The following ADAMTS20 variants were observed in gnomAD, a reference collection of about 807,000 sequenced individuals.
ADAMTS20 encodes A disintegrin and metalloproteinase with thrombospondin motifs 20.
ADAMTS20 carries 225 observed loss-of-function variants against 260.1 expected under a neutral mutation model. That is an observed-to-expected ratio of 0.87 (90% CI 0.78 to 0.97). The LOEUF is 0.97. Ranked by LOEUF, ADAMTS20 falls within the 50% of genes least tolerant of loss-of-function variation. The probability of loss-of-function intolerance (pLI) is 0.00; values close to 1 mark genes in which losing one functional copy is unlikely to be tolerated. For synonymous variants in ADAMTS20, 802 were observed against 769.5 expected (o/e 1.04, Z -0.70); for missense variants, 2,400 against 2,337.7 (o/e 1.03, Z -0.55).
rs1233319702 is a variant in ADAMTS20 at position 43,532,099 on chromosome 12, G to A, written c.550C>T (p.Leu184Phe). The A allele has an allele frequency of 2.5e-6, 4 of 1,612,488 alleles. No individual in the cohort carries two copies. Among genetic ancestry groups the A allele is most frequent in the Admixed American group, 1.7e-5 (1 of 59,876 alleles). Residue 184 changes from leucine (L) to phenylalanine (F), a missense_variant, in exon 3 of 39, where the codon CTT becomes TTT. Coordinates refer to ENST00000389420, the MANE Select transcript of ADAMTS20 (RefSeq NM_025003.5). ...TTATTTAAGTCTTGTCTGTATATAAGATGTGGCTTGTTGTGACCATCTTCA... is the reference window on the plus strand; with the variant it reads ...TTATTTAAGTCTTGTCTGTATATAAAATGTGGCTTGTTGTGACCATCTTCA... ...EYEDGHNKPH[L>F]IYRQDLNNSF...
At chr12:43,402,208 T>G (rs1371183299) in intron 28 of ADAMTS20, among the ~76,000 whole-genome samples, 1 of 152,026 alleles carries the variant, frequency 6.6e-6, no homozygotes, top group African/African-American at 2.4e-5. Context: ...GTAATAACTA[T>G]CAGCTGATGG....
chr12:43,509,617 G>A (rs998693630), intron 3 of ADAMTS20, among the ~76,000 whole-genome samples: 2 of 151,944 alleles, frequency 1.3e-5, no homozygotes, highest in African/African-American at 2.4e-5. Context: ...ATAACATCAC[G>A]TAAGAAGAAG....
At chr12:43,422,651 C>CA (rs1453987158) in intron 28 of ADAMTS20, among the ~76,000 whole-genome samples, 3 of 151,926 alleles carry the variant, frequency 2.0e-5, no homozygotes, top group African/African-American at 7.2e-5. Flanking sequence ...AACTTCAATA[C>CA]ATTCAACTTA....
intron 37 of ADAMTS20, among the ~76,000 whole-genome samples, chr12:43,365,060 G>C (rs1389109409): frequency 1.3e-5 from 2 of 151,978 alleles, no homozygotes; most frequent in Non-Finnish European, 2.9e-5. Flanking sequence ...ATAAACAGCT[G>C]ACATCTATTA....
At chr12:43,468,805 G>A in intron 7 of ADAMTS20, 100 bp from the exon 8 acceptor site, 1 of 654,708 alleles carries the variant, frequency 1.5e-6, no homozygotes, top group Non-Finnish European at 2.6e-6. Context: ...TTATTACTTA[G>A]AAAAGAATGC....
chr12:43,491,123 T>C (rs963592318), intron 6 of ADAMTS20, among the ~76,000 whole-genome samples: 1 of 152,140 alleles, frequency 6.6e-6, no homozygotes, highest in Non-Finnish European at 1.5e-5. Context: ...ATGACATCGG[T>C]CCTATAAGAT....
chr12:43,538,323 G>A (rs1009250017), intron 2 of ADAMTS20, among the ~76,000 whole-genome samples: 3 of 152,154 alleles, frequency 2.0e-5, no homozygotes, highest in Non-Finnish European at 4.4e-5. Context: ...CTTCTTTTAA[G>A]AAAGTCTATT....
chr12:43,395,994 C>T (rs943284155), intron 29 of ADAMTS20, among the ~76,000 whole-genome samples: 7 of 151,796 alleles, frequency 4.6e-5, no homozygotes, highest in Non-Finnish European at 7.4e-5. Context: ...AGTGAAGCTG[C>T]TATTCCCAAA....
chr12:43,439,800 C>T, intron 17 of ADAMTS20, 49 bp from the exon 18 acceptor site: 1 of 1,560,480 alleles, frequency 6.4e-7, no homozygotes, highest in Non-Finnish European at 8.7e-7. Flanking sequence ...AAAATATATT[C>T]TTGACATCAT....
At chr12:43,449,255 C>G (rs1941819246) in intron 14 of ADAMTS20, among the ~76,000 whole-genome samples, 1 of 152,054 alleles carries the variant, frequency 6.6e-6, no homozygotes, top group Admixed American at 6.6e-5. Flanking sequence ...TAATGGTAGA[C>G]TGGATAAAGA....
chr12:43,501,052 A>ATTCTTTT (rs1942751005), intron 4 of ADAMTS20, among the ~76,000 whole-genome samples: 1 of 60,258 alleles, frequency 1.7e-5, no homozygotes, highest in Non-Finnish European at 3.1e-5. Flanking sequence ...TGGCTATGTA[A>ATTCTTTT]TTCTTTTTTT....
chr12:43,364,565 A>G (rs1939941441), intron 37 of ADAMTS20, among the ~76,000 whole-genome samples: 1 of 152,184 alleles, frequency 6.6e-6, no homozygotes, highest in Non-Finnish European at 1.5e-5. Flanking sequence ...TCTGAAGATG[A>G]AAAGTACAAT....
intron 7 of ADAMTS20, among the ~76,000 whole-genome samples, chr12:43,476,977 C>T (rs1942365234): frequency 7.7e-6 from 1 of 129,070 alleles, no homozygotes; most frequent in Non-Finnish European, 1.6e-5. Context: ...CACATGTACC[C>T]TAAAACTTAA....
intron 3 of ADAMTS20, among the ~76,000 whole-genome samples, chr12:43,522,327 C>G (rs1002478157): frequency 6.6e-6 from 1 of 152,192 alleles, no homozygotes; most frequent in Non-Finnish European, 1.5e-5. Flanking sequence ...TCCAATTACC[C>G]CCACCTGGTC....
chr12:43,490,364 T>TTA (rs1942582037), intron 7 of ADAMTS20, 31 bp downstream of exon 7: 1 of 1,092,462 alleles, frequency 9.2e-7, no homozygotes. Flanking sequence ...AACAATTACA[T>TTA]AAGCTAAACT....
chr12:43,440,245 T>G (rs35711138), intron 16 of ADAMTS20, among the ~76,000 whole-genome samples, 176 bp from the exon 17 acceptor site: 3 of 151,554 alleles, frequency 2.0e-5, no homozygotes, highest in Non-Finnish European at 4.4e-5. Context: ...GCCTCTTGGA[T>G]TCAAACAATT....
chr12:43,513,216 A>G (rs1004943180), intron 3 of ADAMTS20, among the ~76,000 whole-genome samples: 1 of 152,156 alleles, frequency 6.6e-6, no homozygotes, highest in Admixed American at 6.5e-5. Flanking sequence ...TCCTCCCACT[A>G]TGTGTACTAA....
chr12:43,526,542 A>G (rs1565582545), intron 3 of ADAMTS20, among the ~76,000 whole-genome samples: 1 of 152,182 alleles, frequency 6.6e-6, no homozygotes, highest in Non-Finnish European at 1.5e-5. Flanking sequence ...GAACCCCTAA[A>G]CTACACAAAT....
chr12:43,443,947 C>T (rs1466169856), intron 15 of ADAMTS20, 64 bp from the exon 16 acceptor site: 2 of 1,308,404 alleles, frequency 1.5e-6, no homozygotes, highest in Middle Eastern at 1.8e-4. Flanking sequence ...GTTATTACTG[C>T]TGAATGGATG....
Sources: gnomAD v4.1 joint callset for allele counts (sites outside exome capture counted in the v4.1 genomes callset) on GRCh38, gnomAD v4.1.1 for gene constraint, MANE v1.5 for transcripts, NCBI Gene and HGNC (gene_info 2026-07-23, HGNC 2026-07-21) for gene names.